Variants in SLC35F1 observed in about 807,000 individuals in gnomAD.
SLC35F1 encodes the protein chromosome 6 open reading frame 169.
Under a neutral mutation model 48.7 loss-of-function variants are expected in SLC35F1, and 14 were observed. The ratio of observed to expected loss-of-function variants is 0.29; its 90% CI spans 0.19 to 0.45. The LOEUF (loss-of-function observed/expected upper bound fraction) is 0.45, where lower values mean the gene tolerates loss of function less well. Among genes scored for constraint, SLC35F1 ranks in the 20% least tolerant of loss-of-function variants. SLC35F1 has a pLI of 1.00. For synonymous variants in SLC35F1, 190 were observed against 202.2 expected (o/e 0.94, Z 0.51); for missense variants, 404 against 500.0 (o/e 0.81, Z 1.83).
At chr6:117,943,518 C>T (rs912113563) in intron 1 of SLC35F1, among the ~76,000 whole-genome samples, 3 of 152,096 alleles carry the variant, frequency 2.0e-5, no homozygotes, top group Non-Finnish European at 2.9e-5. Flanking sequence ...ACATTGATAC[C>T]ATTGTGAAAT....
At chr6:118,090,737 A>G (rs1773061005) in intron 1 of SLC35F1, among the ~76,000 whole-genome samples, 1 of 152,176 alleles carries the variant, frequency 6.6e-6, no homozygotes, top group African/African-American at 2.4e-5. Context: ...ACTCTGTGAG[A>G]AATCAGTGGA....
intron 1 of SLC35F1, among the ~76,000 whole-genome samples, chr6:117,909,034 T>C (rs1010667023): frequency 1.3e-5 from 2 of 152,238 alleles, no homozygotes; most frequent in African/African-American, 2.4e-5. Context: ...TTTAGTTATA[T>C]CAAATCCCGA....
rs181727792 is a variant in SLC35F1, at chr6:118,081,494, G to A, written c.174-72951G>A. On this transcript the variant is annotated intron_variant, in intron 1 of 7. Coordinates refer to ENST00000360388, the MANE Select transcript of SLC35F1 (RefSeq NM_001029858.4). The stretch of plus-strand genomic sequence containing the variant: ...AAAAATTTTAAAAAAAAATAGCTAG[G>A]CATGGTGGCATGCACCTGTAGTCCC... Among the ~76,000 whole-genome samples, 1,011 of 152,046 alleles carry A rather than the reference G, an allele frequency of 6.6e-3. 8 individuals are homozygous for A. The highest frequency in any genetic ancestry group is 9.9e-3 in the Non-Finnish European group (674 of 67,968).
chr6:118,311,330 C>G (rs1690667), intron 7 of SLC35F1, among the ~76,000 whole-genome samples: 16,166 of 152,154 alleles, frequency 0.11, 960 homozygotes, highest in Middle Eastern at 0.19. Flanking sequence ...CTGGTACAGG[C>G]TGATTTTTTA....
At chr6:118,199,327 T>C (rs1189689977) in intron 2 of SLC35F1, among the ~76,000 whole-genome samples, 1 of 152,190 alleles carries the variant, frequency 6.6e-6, no homozygotes, top group Non-Finnish European at 1.5e-5. Context: ...CACACACTTA[T>C]ATTTACATTT....
chr6:118,289,310 A>G (rs2114646184), intron 7 of SLC35F1, among the ~76,000 whole-genome samples: 1 of 152,342 alleles, frequency 6.6e-6, no homozygotes, highest in East Asian at 1.9e-4. Flanking sequence ...GTGAACATTC[A>G]TGTACAGGTT....
intron 2 of SLC35F1, among the ~76,000 whole-genome samples, chr6:118,156,669 A>AAAAAATAAAATAAAAT (rs1554231826): frequency 3.6e-5 from 5 of 140,462 alleles, no homozygotes. Context: ...AAGTATAATA[A>AAAAAATAAAATAAAAT]AAAATAAAAT....
chr6:117,945,747 G>T (rs773930403), intron 1 of SLC35F1, among the ~76,000 whole-genome samples: 10 of 152,186 alleles, frequency 6.6e-5, no homozygotes, highest in Admixed American at 1.3e-4. Flanking sequence ...TTCACAGCAG[G>T]ATTGAAGGGA....
At chr6:117,963,826 ATACATGTGCAGG>A (rs1776527302) in intron 1 of SLC35F1, among the ~76,000 whole-genome samples, 1 of 53,660 alleles carries the variant, frequency 1.9e-5, no homozygotes, top group Non-Finnish European at 4.5e-5. Flanking sequence ...AAGTTCTGGG[ATACATGTGCAGG>A]GATACATGTG....
intron 1 of SLC35F1, among the ~76,000 whole-genome samples, chr6:118,084,829 T>C (rs1772963079): frequency 1.3e-5 from 2 of 152,050 alleles, no homozygotes; most frequent in Non-Finnish European, 2.9e-5. Flanking sequence ...TCTGAGATGA[T>C]TCCCTGGGAC....
At chr6:117,942,250 C>T (rs1478333897) in intron 1 of SLC35F1, among the ~76,000 whole-genome samples, 1 of 152,040 alleles carries the variant, frequency 6.6e-6, no homozygotes, top group African/African-American at 2.4e-5. Flanking sequence ...GGATTCTGAC[C>T]TAATTCTATT....
intron 1 of SLC35F1, among the ~76,000 whole-genome samples, chr6:118,051,372 T>C (rs73521565): frequency 0.021 from 3,214 of 152,316 alleles, 125 homozygotes; most frequent in African/African-American, 0.073. Flanking sequence ...TGCACTTGAC[T>C]ATTGCTCAGT....
intron 1 of SLC35F1, among the ~76,000 whole-genome samples, chr6:117,923,971 T>C (rs951816345): frequency 6.6e-6 from 1 of 150,930 alleles, no homozygotes; most frequent in Non-Finnish European, 1.5e-5. Flanking sequence ...ATATAGGGAA[T>C]AGAATGGAAA....
At chr6:117,972,962 C>A (rs2114844446) in intron 1 of SLC35F1, among the ~76,000 whole-genome samples, 1 of 152,288 alleles carries the variant, frequency 6.6e-6, no homozygotes, top group South Asian at 2.1e-4. Context: ...TTAAAAAATA[C>A]AGTTGGATGA....
intron 1 of SLC35F1, among the ~76,000 whole-genome samples, chr6:118,069,034 T>C (rs1772660464): frequency 6.6e-6 from 1 of 152,174 alleles, no homozygotes; most frequent in Non-Finnish European, 1.5e-5. Flanking sequence ...GAAAGAAATT[T>C]TTTGACTCCC....
chr6:117,953,869 G>A (rs1245878756), intron 1 of SLC35F1, among the ~76,000 whole-genome samples: 1 of 152,096 alleles, frequency 6.6e-6, no homozygotes, highest in Non-Finnish European at 1.5e-5. Flanking sequence ...TGTTAAAACT[G>A]GGATCATTTT....
At chr6:118,151,824 TCGTTTGA>T (rs758561467) in intron 1 of SLC35F1, among the ~76,000 whole-genome samples, 15 of 152,174 alleles carry the variant, frequency 9.9e-5, no homozygotes, top group Non-Finnish European at 2.1e-4. Context: ...GCCTTTAAAA[TCGTTTGA>T]GTTAATTCTG....
intron 1 of SLC35F1, among the ~76,000 whole-genome samples, chr6:118,042,761 A>G (rs532849555): frequency 6.6e-6 from 1 of 152,308 alleles, no homozygotes; most frequent in East Asian, 1.9e-4. Context: ...ATGAATGAAC[A>G]GGAAGGGCTC....
At chr6:118,133,976 C>T (rs1377594318) in intron 1 of SLC35F1, among the ~76,000 whole-genome samples, 1 of 152,222 alleles carries the variant, frequency 6.6e-6, no homozygotes, top group Non-Finnish European at 1.5e-5. Context: ...TGCTTGCTAC[C>T]TTGCTTTCTC....
Sources: allele counts gnomAD v4.1 joint callset (sites outside exome capture counted in the v4.1 genomes callset), GRCh38; gene constraint gnomAD v4.1.1; transcripts MANE v1.5; gene names NCBI Gene and HGNC (gene_info 2026-07-23, HGNC 2026-07-21).